Variants in INTS9 observed in about 807,000 individuals in gnomAD.
INTS9 encodes protein related to CPSF subunits of 74 kDa.
In INTS9, 55 loss-of-function variants were observed where a neutral mutation model predicts 79.7. The observed-to-expected ratio is 0.69, with a 90% confidence interval of 0.56 to 0.86. INTS9 has a LOEUF of 0.86. Ranked by LOEUF, INTS9 falls within the 40% of genes least tolerant of loss-of-function variation. The pLI is 0.00. For missense variants in INTS9, 721 were observed against 831.5 expected, an observed-to-expected ratio of 0.87 and a Z score of 1.64; for synonymous variants, 319 against 325.2, an observed-to-expected ratio of 0.98 and a Z score of 0.20.
rs564767281 is a variant in INTS9 at position 28,867,264 on chromosome 8, A to AAAAC, written c.10-7702_10-7701insGTTT. The stretch of plus-strand genomic sequence containing the variant: ...ATGGTAAAACCCTGTCTCAACTGAA[A>AAAAC]AAAAATTAGCTGGGCGTCGTGGCAT... On this transcript the variant is annotated intron_variant, in intron 1 of 16. Transcript: ENST00000521022. Among the ~76,000 whole-genome samples the AAAAC allele has an allele frequency of 4.0e-3, 604 of 152,278 alleles. 3 individuals are homozygous for AAAAC. The highest frequency in any genetic ancestry group is 0.014 in the African/African-American group (572 of 41,540).
chr8:28,844,214 T>C (rs58719605), intron 4 of INTS9, among the ~76,000 whole-genome samples: 29,384 of 152,190 alleles, frequency 0.19, 3,195 homozygotes, highest in East Asian at 0.47. Flanking sequence ...TTGTCACGTA[T>C]GGTCTGTAAA....
chr8:28,779,842 C>T (rs1312101196), intron 12 of INTS9, among the ~76,000 whole-genome samples: 1 of 152,144 alleles, frequency 6.6e-6, no homozygotes, highest in Non-Finnish European at 1.5e-5. Context: ...CACCCCAGTG[C>T]TTCTGGTGTA....
intron 8 of INTS9, among the ~76,000 whole-genome samples, chr8:28,807,231 A>C (rs952204245): frequency 6.6e-6 from 1 of 152,162 alleles, no homozygotes; most frequent in African/African-American, 2.4e-5. Flanking sequence ...ATTCTGGCAC[A>C]ATTTTGGCCC....
intron 5 of INTS9, among the ~76,000 whole-genome samples, chr8:28,835,823 T>C (rs1254430391): frequency 6.6e-6 from 1 of 152,146 alleles, no homozygotes; most frequent in African/African-American, 2.4e-5. Context: ...CTTTTTTTTT[T>C]TTGAGACAGA....
At chr8:28,848,122 G>A (rs1807634217) in intron 3 of INTS9, among the ~76,000 whole-genome samples, 1 of 152,192 alleles carries the variant, frequency 6.6e-6, no homozygotes, top group Admixed American at 6.5e-5. Flanking sequence ...TTAAACTGAA[G>A]TCCACAGTGA....
intron 6 of INTS9, among the ~76,000 whole-genome samples, chr8:28,820,514 G>C (rs1041016362): frequency 1.3e-5 from 2 of 152,228 alleles, no homozygotes; most frequent in African/African-American, 4.8e-5. Flanking sequence ...CTGTTAGTCT[G>C]ATGGGCTTCC....
intron 1 of INTS9, among the ~76,000 whole-genome samples, chr8:28,879,584 A>C (rs746890782): frequency 7.9e-5 from 12 of 152,218 alleles, no homozygotes; most frequent in Non-Finnish European, 1.5e-4. Flanking sequence ...ATGCAAGAAA[A>C]AGAAGTGAAA....
At chr8:28,851,714 G>C (rs1807848665) in intron 2 of INTS9, among the ~76,000 whole-genome samples, 2 of 151,836 alleles carry the variant, frequency 1.3e-5, no homozygotes, top group Middle Eastern at 3.2e-3. Context: ...TGGGATTACA[G>C]GAATGAGCCA....
At chr8:28,796,250 C>T (rs1804209374) in intron 9 of INTS9, among the ~76,000 whole-genome samples, 1 of 152,158 alleles carries the variant, frequency 6.6e-6, no homozygotes, top group South Asian at 2.1e-4. Context: ...ACAGAGGTTG[C>T]AGTAACCCAA....
intron 8 of INTS9, among the ~76,000 whole-genome samples, chr8:28,810,904 A>G (rs1805075633): frequency 6.6e-6 from 1 of 152,180 alleles, no homozygotes; most frequent in Non-Finnish European, 1.5e-5. Flanking sequence ...AAATAAAACC[A>G]AAATTCCTCC....
rs1436985698 is a variant in INTS9, at chr8:28,873,690, G to C, written c.10-14127C>G. Among the ~76,000 whole-genome samples, 7 of 152,180 alleles carry C rather than the reference G, an allele frequency of 4.6e-5. No individual in the cohort carries two copies. The East Asian group carries it at 1.3e-3, about 29-fold the overall frequency. ...AGCTGTATGTATGCTTGAAGCTTAT[G>C]CTAGTTGAACTGAATGAAAAGTATA... On this transcript the variant is annotated intron_variant, in intron 1 of 16. Coordinates refer to ENST00000521022, the MANE Select transcript of INTS9 (RefSeq NM_018250.4).
chr8:28,832,380 A>G (rs980623292), intron 6 of INTS9, among the ~76,000 whole-genome samples: 2 of 152,350 alleles, frequency 1.3e-5, no homozygotes, highest in African/African-American at 4.8e-5. Flanking sequence ...CCCACACCAT[A>G]CATCCCCAAA....
chr8:28,773,132 G>C lies in INTS9; in HGVS notation c.1564-2052C>G, dbSNP rs149148690. On this transcript the variant is annotated intron_variant, in intron 14 of 16. Coordinates refer to ENST00000521022, the MANE Select transcript of INTS9 (RefSeq NM_018250.4). Reference sequence around the variant, plus strand: ...TTTATGTAAAAGGATGCTCCTAAAAGTGTTATTTATAACACAGAAAAACCA... The same window carrying C: ...TTTATGTAAAAGGATGCTCCTAAAACTGTTATTTATAACACAGAAAAACCA... Among the ~76,000 whole-genome samples the C allele has an allele frequency of 2.9e-4, 44 of 152,288 alleles. No homozygotes were observed. The East Asian group carries it at 7.5e-3, about 26-fold the overall frequency.
intron 13 of INTS9, among the ~76,000 whole-genome samples, 154 bp downstream of exon 13, chr8:28,777,674 AG>A (rs1343860855): frequency 1.3e-5 from 2 of 151,820 alleles, no homozygotes; most frequent in Admixed American, 1.3e-4. Context: ...TTCAGTGTGG[AG>A]GGGGGCTGGC....
At chr8:28,822,881 C>T (rs1805924098) in intron 6 of INTS9, among the ~76,000 whole-genome samples, 1 of 152,128 alleles carries the variant, frequency 6.6e-6, no homozygotes, top group South Asian at 2.1e-4. Flanking sequence ...CCCACACACT[C>T]TTTGTGTGGG....
chr8:28,856,424 T>C (rs550916065), intron 2 of INTS9, among the ~76,000 whole-genome samples: 2 of 152,242 alleles, frequency 1.3e-5, no homozygotes, highest in South Asian at 2.1e-4. Flanking sequence ...GTTTTTGTTG[T>C]TGTTTTTTTG....
chr8:28,875,902 G>A (rs1030088662), intron 1 of INTS9, among the ~76,000 whole-genome samples: 2 of 152,160 alleles, frequency 1.3e-5, no homozygotes, highest in Non-Finnish European at 2.9e-5. Context: ...CCAAACAATG[G>A]ATTTTTGTTA....
chr8:28,768,841 G>A (rs1272277217), intron 16 of INTS9, among the ~76,000 whole-genome samples: 1 of 152,264 alleles, frequency 6.6e-6, no homozygotes, highest in African/African-American at 2.4e-5. Context: ...GCCTGAAACA[G>A]ACACACAGCA....
chr8:28,881,307 A>G (rs1186757770), intron 1 of INTS9, among the ~76,000 whole-genome samples: 94 of 39,632 alleles, frequency 2.4e-3, no homozygotes, highest in South Asian at 3.8e-3. Flanking sequence ...AGGTGGGGGG[A>G]TCAGCCCCCC....
Sources: gnomAD v4.1 joint callset for allele counts (sites outside exome capture counted in the v4.1 genomes callset) on GRCh38, gnomAD v4.1.1 for gene constraint, MANE v1.5 for transcripts, NCBI Gene and HGNC (gene_info 2026-07-23, HGNC 2026-07-21) for gene names.